Variants in BRD1 observed in about 807,000 individuals in gnomAD.
BRD1 encodes bromodomain-containing protein 1.
A neutral mutation model predicts 107.7 loss-of-function variants in BRD1; 24 were observed. The ratio of observed to expected loss-of-function variants is 0.22; its 90% confidence interval spans 0.16 to 0.31. The LOEUF is 0.31. Ranked by LOEUF, BRD1 falls within the 10% of genes least tolerant of loss-of-function variation. The pLI is 1.00. For missense variants in BRD1, 1,279 were observed against 1,638.6 expected (o/e 0.78, Z 3.79); for synonymous variants, 744 against 686.1 (o/e 1.08, Z -1.32).
intron 8 of BRD1, among the ~76,000 whole-genome samples, chr22:49,779,636 T>C (rs2059165418): frequency 6.6e-6 from 1 of 152,160 alleles, no homozygotes; most frequent in Non-Finnish European, 1.5e-5. Context: ...AGCCACACGC[T>C]GAGCTGCCCT....
rs369771311 is a variant in BRD1 at position 49,788,358 on chromosome 22, AAAAC to A, written c.2360-475_2360-472del. On this transcript the variant is annotated intron_variant, in intron 7 of 12. Transcript: ENST00000404760. Reference sequence around the variant, plus strand: ...GTCAAGGTCTTAAGTCAAAAATGCAAAAACAAACAAACAAACAAAAAAAACAGGG... The same window carrying A: ...GTCAAGGTCTTAAGTCAAAAATGCAAAAACAAACAAACAAAAAAAACAGGG... 4.1e-3 allele frequency among the ~76,000 whole-genome samples: 626 copies of A among 152,226 alleles called. 5 individuals are homozygous for A. Among genetic ancestry groups the A allele is most frequent in the African/African-American group, 0.014 (572 of 41,514 alleles).
intron 1 of BRD1, among the ~76,000 whole-genome samples, 186 bp downstream of exon 1, chr22:49,827,311 C>G (rs967564134): frequency 4.6e-5 from 7 of 150,812 alleles, no homozygotes; most frequent in African/African-American, 1.5e-4. Context: ...CCCGGTCTCC[C>G]CGCCCGGCCT....
At chr22:49,819,425 T>A (rs1052707696) in intron 2 of BRD1, among the ~76,000 whole-genome samples, 1 of 151,524 alleles carries the variant, frequency 6.6e-6, no homozygotes, top group Admixed American at 6.6e-5. Flanking sequence ...TGGTGGCACA[T>A]GCCTGTGGTC....
Position 49,803,366 on chromosome 22 carries a change from GA to G in BRD1, c.1524+837del, listed in dbSNP as rs1157137600. Among the ~76,000 whole-genome samples, 2 of 152,192 alleles carry G rather than the reference GA, an allele frequency of 1.3e-5. No homozygotes were observed. The highest frequency in any genetic ancestry group is 4.8e-5 in the African/African-American group (2 of 41,438). ...GGATGGCAGTGAAAAGCACCATGAGGAAATTCCAAGAGGCACTCAGGCCACG... is the reference window on the plus strand; with the variant it reads ...GGATGGCAGTGAAAAGCACCATGAGGAATTCCAAGAGGCACTCAGGCCACG... On this transcript the variant is annotated intron_variant, in intron 3 of 12. Transcript: ENST00000404760. The surrounding 1 kb of genome is among the most constrained non-coding windows in gnomAD (Gnocchi z 4.4).
intron 2 of BRD1, among the ~76,000 whole-genome samples, chr22:49,812,207 G>A (rs1199115350): frequency 2.0e-5 from 3 of 150,586 alleles, no homozygotes; most frequent in Admixed American, 1.3e-4. Context: ...GGGTTCAAGT[G>A]GGAGACTGAG....
chr22:49,786,002 C>G lies in BRD1; in HGVS notation c.2857+1388G>C, dbSNP rs114146756. On this transcript the variant is annotated intron_variant, in intron 8 of 12. Coordinates refer to ENST00000404760, the MANE Select transcript of BRD1 (RefSeq NM_001304808.3). ...CCCACCACAGCCTTCCATCTGCACC[C>G]GGCCTGGTGAGGCTCCATGACACAG... is the stretch of plus-strand genomic sequence containing the variant. 4.2e-3 allele frequency among the ~76,000 whole-genome samples: 638 copies of G among 152,278 alleles called. 1 individual carries two copies. The highest frequency in any genetic ancestry group is 0.014 in the African/African-American group (585 of 41,546).
At chr22:49,819,216 T>C (rs1036590713) in intron 2 of BRD1, among the ~76,000 whole-genome samples, 3 of 152,014 alleles carry the variant, frequency 2.0e-5, no homozygotes, top group African/African-American at 7.2e-5. Context: ...GCCGAGATTA[T>C]GCCATTGCAC....
chr22:49,818,385 TAGG>T (rs2059997570), intron 2 of BRD1: 4 of 1,192,774 alleles, frequency 3.4e-6, no homozygotes, highest in South Asian at 3.0e-5. Context: ...CTGATGAACC[TAGG>T]AGTTTTGTTA....
Position 49,799,253 on chromosome 22 carries a change from G to A in BRD1, c.1525-134C>T, listed in dbSNP as rs1365369127. The stretch of plus-strand genomic sequence containing the variant: ...CAGGCCCATCCTGGGGAGGACAACA[G>A]ACCACCCTCACTAGAGAGCCCCAGG... On this transcript the variant is annotated intron_variant, in intron 3 of 12. Coordinates refer to ENST00000404760, the MANE Select transcript of BRD1 (RefSeq NM_001304808.3). 4 of 1,163,400 alleles carry A rather than the reference G, an allele frequency of 3.4e-6. No homozygotes were observed. In the Admixed American group the frequency reaches 9.0e-5, roughly 26 times the overall value. 72.1% of individuals were successfully genotyped at this position (1,163,400 alleles called of 1,614,324 possible).
chr22:49,794,241 G>C lies in BRD1; in HGVS notation c.2152C>G (p.Leu718Val), dbSNP rs942016606. ...TCGAGCATGTCCAGCAGCTCTCTCAGCTGCTCCTCCAGGCCCAGGTGGGCT... is the reference window on the plus strand; with the variant it reads ...TCGAGCATGTCCAGCAGCTCTCTCACCTGCTCCTCCAGGCCCAGGTGGGCT... ...NRAHLGLEEQLRELLDMLDLT... is the reference protein window; with the variant it reads ...NRAHLGLEEQVRELLDMLDLT... The change falls in exon 7 of 13, where the codon CTG becomes GTG. Residue 718 changes from leucine (L) to valine (V), a missense_variant. Leu to Val is a conservative substitution (Grantham distance 32). Coordinates refer to ENST00000404760, the MANE Select transcript of BRD1 (RefSeq NM_001304808.3). 6.2e-7 allele frequency: 1 copy of C among 1,613,892 alleles called. No individual in the cohort carries two copies. Among genetic ancestry groups the C allele is most frequent in the African/African-American group, 1.3e-5 (1 of 74,952 alleles).
chr22:49,793,320 C>T (rs1476208949), intron 7 of BRD1, among the ~76,000 whole-genome samples: 1 of 152,252 alleles, frequency 6.6e-6, no homozygotes, highest in African/African-American at 2.4e-5. Flanking sequence ...AAACTCCCTC[C>T]TCACCATGCC....
At chr22:49,798,746 ACG>A in intron 4 of BRD1, 60 bp from the exon 5 acceptor site, 1 of 1,487,466 alleles carries the variant, frequency 6.7e-7, no homozygotes. Context: ...CAGCCCCACC[ACG>A]CGCCCCACAG....
intron 2 of BRD1, 49 bp from the exon 3 acceptor site, chr22:49,804,409 T>C (rs776319654): frequency 2.0e-6 from 3 of 1,536,794 alleles, no homozygotes; most frequent in Non-Finnish European, 2.6e-6. Context: ...ATTAAGATGT[T>C]TCATCACATA....
chr22:49,787,638 ACCGCGGAGGCCGCCG>A lies in BRD1; in HGVS notation c.2594_2608del (p.Ala865_Ala869del). ...GTTTACATCGCTTGCTGGCTCCGCC[ACCGCGGAGGCCGCCG>A]CCGCCGGCACATCGCCACTACTGGC... is the stretch of plus-strand genomic sequence containing the variant. On this transcript the variant is annotated inframe_deletion, in exon 8 of 13. Coordinates refer to ENST00000404760, the MANE Select transcript of BRD1 (RefSeq NM_001304808.3). 1 of 1,550,794 alleles carries A rather than the reference ACCGCGGAGGCCGCCG, an allele frequency of 6.4e-7. No homozygotes were observed. Among genetic ancestry groups the A allele is most frequent in the Non-Finnish European group, 8.7e-7 (1 of 1,147,040 alleles).
chr22:49,814,382 C>A (rs911970191), intron 2 of BRD1, among the ~76,000 whole-genome samples: 1 of 152,184 alleles, frequency 6.6e-6, no homozygotes, highest in Admixed American at 6.5e-5. Flanking sequence ...GCTCAGGAAA[C>A]ACATGAGACC....
In BRD1 at chr22:49,787,574, T is replaced by TA; in HGVS notation, c.2672dup (p.Ser892LysfsTer10). ...TGTTCTTGGCAGACTTTGGGGGGCT[T>TA]ACACTTTTCGATTTGCAGAAGAGAA... On this transcript the variant is annotated frameshift_variant, in exon 8 of 13. Transcript: ENST00000404760. LOFTEE classifies it high-confidence loss of function. The TA allele has an allele frequency of 6.4e-7, 1 of 1,574,726 alleles. No individual in the cohort carries two copies. The highest frequency in any genetic ancestry group is 8.6e-7 in the Non-Finnish European group (1 of 1,159,388).
rs11360760 is a variant in BRD1, at chr22:49,815,551, GAA to G, written c.1367+7398_1367+7399del. ...CAGCAAGACTCCATCTCAAAAAGAA[GAA>G]AAAAAAAAAAACTGTTTCCAGATAT... is the stretch of plus-strand genomic sequence containing the variant. On this transcript the variant is annotated intron_variant, in intron 2 of 12. Transcript: ENST00000404760. 1.0e-2 allele frequency among the ~76,000 whole-genome samples: 1,414 copies of G among 141,734 alleles called. 13 individuals are homozygous for G. The highest frequency in any genetic ancestry group is 0.067 in the South Asian group (304 of 4,528). The allele number at this position is 141,734 out of a possible 152,430, so 93.0% of individuals were successfully genotyped here.
At chr22:49,784,936 C>T (rs760398573) in intron 8 of BRD1, among the ~76,000 whole-genome samples, 2 of 152,210 alleles carry the variant, frequency 1.3e-5, no homozygotes, top group Non-Finnish European at 1.5e-5. Context: ...CGCACCTCCA[C>T]GGAAATCCAC....
At chr22:49,789,421 C>T (rs2059389426) in intron 7 of BRD1, among the ~76,000 whole-genome samples, 1 of 152,188 alleles carries the variant, frequency 6.6e-6, no homozygotes, top group Non-Finnish European at 1.5e-5. Context: ...CGTCCTGACG[C>T]AGCTGGTGTC....
Sources: allele counts gnomAD v4.1 joint callset (sites outside exome capture counted in the v4.1 genomes callset), GRCh38; gene constraint gnomAD v4.1.1; non-coding constraint Gnocchi (gnomAD v3.1); transcripts MANE v1.5; gene names NCBI Gene and HGNC (gene_info 2026-07-23, HGNC 2026-07-21).